The following CNBD1 variants were observed in gnomAD, a reference collection of about 807,000 sequenced individuals.
The protein encoded by CNBD1 is cyclic nucleotide-binding domain-containing protein 1.
A neutral mutation model predicts 54.4 loss-of-function variants in CNBD1; 71 were observed. The observed-to-expected ratio is 1.30, with a 90% CI of 1.08 to 1.59. The LOEUF (loss-of-function observed/expected upper bound fraction) is 1.59. Among genes scored for constraint, CNBD1 ranks in the 40% most tolerant of loss-of-function variants. The pLI is 0.00. For synonymous variants in CNBD1, 182 were observed against 170.7 expected, an observed-to-expected ratio of 1.07 and a Z score of -0.51; for missense variants, 659 against 518.0, an observed-to-expected ratio of 1.27 and a Z score of -2.64.
In CNBD1 at chr8:87,245,982, T is replaced by C. The variant is rs977877588; in HGVS notation, c.771+8870T>C. On this transcript the variant is annotated intron_variant, in intron 6 of 10. Coordinates refer to ENST00000518476, the MANE Select transcript of CNBD1 (RefSeq NM_173538.3). ...TTTCATTTAAAGTACAGCAGGTTCT[T>C]GGACTAATATCTCATATCCATTGGT... Among the ~76,000 whole-genome samples, 41 of 152,110 alleles carry C rather than the reference T, an allele frequency of 2.7e-4. 1 individual carries two copies. Among genetic ancestry groups the C allele is most frequent in the Non-Finnish European group, 5.6e-4 (38 of 67,980 alleles).
In CNBD1 at chr8:87,114,148, T is replaced by A. The variant is rs1176246670; in HGVS notation, c.432-91845T>A. ...TACTACTCAGTAATTTTTGAAAAGG[T>A]TATTGATGAAATGATACATGTGCAT... is the stretch of plus-strand genomic sequence containing the variant. On this transcript the variant is annotated intron_variant, in intron 4 of 10. Transcript: ENST00000518476. Among the ~76,000 whole-genome samples, 4 of 152,172 alleles carry A rather than the reference T, an allele frequency of 2.6e-5. No individual in the cohort carries two copies. The East Asian group carries it at 7.7e-4, about 29-fold the overall frequency.
intron 2 of CNBD1, among the ~76,000 whole-genome samples, chr8:86,889,957 G>A (rs983286996): frequency 1.3e-5 from 2 of 151,938 alleles, no homozygotes; most frequent in South Asian, 2.1e-4. Flanking sequence ...TGTCTGGAGA[G>A]CGGATTATTT....
intron 10 of CNBD1, among the ~76,000 whole-genome samples, chr8:87,357,100 A>G (rs1040519315): frequency 6.6e-6 from 1 of 152,190 alleles, no homozygotes; most frequent in African/African-American, 2.4e-5. Flanking sequence ...GAAGCTTGCT[A>G]TATTCTACCT....
intron 4 of CNBD1, among the ~76,000 whole-genome samples, chr8:87,084,965 C>T (rs999397905): frequency 5.3e-5 from 8 of 152,194 alleles, no homozygotes; most frequent in African/African-American, 1.4e-4. Context: ...TGAGCCACTA[C>T]GCCCAGCCGT....
intron 4 of CNBD1, among the ~76,000 whole-genome samples, chr8:87,115,958 C>T (rs916269781): frequency 1.3e-5 from 2 of 152,068 alleles, no homozygotes; most frequent in East Asian, 1.9e-4. Context: ...CAGTACAATC[C>T]TTAGATCATC....
intron 8 of CNBD1, among the ~76,000 whole-genome samples, chr8:87,343,405 A>G (rs750058787): frequency 3.3e-5 from 5 of 152,236 alleles, no homozygotes; most frequent in Admixed American, 6.5e-5. Context: ...CAGGCGTAAG[A>G]AATTATTAAA....
intron 4 of CNBD1, among the ~76,000 whole-genome samples, chr8:87,043,755 C>T (rs1162756245): frequency 6.6e-6 from 1 of 152,202 alleles, no homozygotes; most frequent in Admixed American, 6.5e-5. Flanking sequence ...CTGCCAGTCC[C>T]CGGTTAATGT....
chr8:86,873,912 T>C (rs1344459990), intron 1 of CNBD1, among the ~76,000 whole-genome samples: 1 of 152,192 alleles, frequency 6.6e-6, no homozygotes, highest in Non-Finnish European at 1.5e-5. Flanking sequence ...AGTGTGTATT[T>C]TTAAAAAAAC....
At chr8:87,058,261 A>G (rs763121006) in intron 4 of CNBD1, among the ~76,000 whole-genome samples, 1 of 152,192 alleles carries the variant, frequency 6.6e-6, no homozygotes, top group Non-Finnish European at 1.5e-5. Context: ...CTTTGCGTAC[A>G]ATCCTCAGTC....
intron 6 of CNBD1, among the ~76,000 whole-genome samples, chr8:87,272,974 G>A (rs1585974059): frequency 6.6e-6 from 1 of 151,896 alleles, no homozygotes; most frequent in East Asian, 1.9e-4. Flanking sequence ...ATTTTTTACA[G>A]TGTAACATCC....
chr8:87,278,813 C>T (rs1808534424), intron 6 of CNBD1, among the ~76,000 whole-genome samples: 1 of 151,338 alleles, frequency 6.6e-6, no homozygotes, highest in African/African-American at 2.4e-5. Flanking sequence ...GAAGTTCCTA[C>T]ATGTATATAG....
chr8:87,423,945 A>T (rs1267291309), intron 2 of CNBD1, among the ~76,000 whole-genome samples: 6 of 152,184 alleles, frequency 3.9e-5, no homozygotes, highest in Admixed American at 2.6e-4. Flanking sequence ...TTATTGCCAC[A>T]ATTTCAGCTC....
intron 4 of CNBD1, among the ~76,000 whole-genome samples, chr8:87,179,264 T>A (rs1185427587): frequency 6.6e-6 from 1 of 152,206 alleles, no homozygotes; most frequent in Admixed American, 6.5e-5. Context: ...TTTATCATAT[T>A]TGGAGTTAAT....
At chr8:87,336,646 C>T (rs1030496352) in intron 8 of CNBD1, among the ~76,000 whole-genome samples, 4 of 152,102 alleles carry the variant, frequency 2.6e-5, no homozygotes. Context: ...AGAACATGCT[C>T]CTTTACCTCA....
intron 4 of CNBD1, among the ~76,000 whole-genome samples, chr8:86,962,804 A>G (rs1563839052): frequency 6.6e-6 from 1 of 151,988 alleles, no homozygotes; most frequent in East Asian, 1.9e-4. Context: ...CACAAAAAAC[A>G]AAAAACAAAA....
At chr8:86,991,809 T>A (rs6468611) in intron 4 of CNBD1, among the ~76,000 whole-genome samples, 1 of 152,062 alleles carries the variant, frequency 6.6e-6, no homozygotes, top group South Asian at 2.1e-4. Context: ...AAGTTCCATG[T>A]ATTTGTGTAG....
chr8:87,327,449 C>G (rs576283838), intron 8 of CNBD1, among the ~76,000 whole-genome samples: 8 of 152,316 alleles, frequency 5.3e-5, no homozygotes, highest in South Asian at 2.1e-4. Flanking sequence ...TGCTAGCAAT[C>G]AGCGAGATTC....
At chr8:86,905,870 A>G (rs1809009459) in intron 3 of CNBD1, among the ~76,000 whole-genome samples, 3 of 152,248 alleles carry the variant, frequency 2.0e-5, no homozygotes, top group South Asian at 2.1e-4. Flanking sequence ...TCCTGGATAT[A>G]GTTGTCTTTG....
intron 2 of CNBD1, among the ~76,000 whole-genome samples, chr8:87,398,202 A>T (rs1811443261): frequency 1.3e-5 from 2 of 149,952 alleles, no homozygotes; most frequent in South Asian, 2.1e-4. Flanking sequence ...GATTTGAAAT[A>T]TTTTCTTATT....
Sources: allele counts gnomAD v4.1 joint callset (sites outside exome capture counted in the v4.1 genomes callset), GRCh38; gene constraint gnomAD v4.1.1; transcripts MANE v1.5; gene names NCBI Gene and HGNC (gene_info 2026-07-23, HGNC 2026-07-21).